Variants in BCKDK observed in about 807,000 individuals in gnomAD.
The protein encoded by BCKDK is branched-chain alpha-ketoacid dehydrogenase kinase.
A neutral mutation model predicts 43.9 loss-of-function variants in BCKDK; 28 were observed. The observed-to-expected ratio is 0.64, with a 90% CI of 0.47 to 0.87. The LOEUF (loss-of-function observed/expected upper bound fraction) is 0.87. BCKDK is among the 40% of genes least tolerant of loss of function. The probability of loss-of-function intolerance (pLI) is 0.00; values close to 1 mark genes in which losing one functional copy is unlikely to be tolerated. For missense variants in BCKDK, 483 were observed against 581.4 expected (o/e 0.83, Z 1.74); for synonymous variants, 257 against 234.3 (o/e 1.10, Z -0.88).
downstream of BCKDK, among the ~76,000 whole-genome samples, chr16:31,114,739 T>TA (rs1170438776): frequency 1.3e-5 from 2 of 152,204 alleles, no homozygotes; most frequent in Non-Finnish European, 2.9e-5. Flanking sequence ...GATTGATAGT[T>TA]ATACATGCTT....
rs753814671 is a variant in BCKDK at position 31,109,818 on chromosome 16, C to T, written c.375+35C>T. 1.9e-6 allele frequency: 3 copies of T among 1,601,398 alleles called. No individual in the cohort carries two copies. The highest frequency in any genetic ancestry group is 2.2e-5 in the South Asian group (2 of 90,752). ...AGAGGACCTTAGGTCAGCGGGCCAC[C>T]CTGCCCCGGGGGCAAGTGGGGAGTC... On this transcript the variant is annotated intron_variant, in intron 4 of 11. Coordinates refer to ENST00000219794, the MANE Select transcript of BCKDK (RefSeq NM_005881.4). The surrounding 1 kb of genome is among the most constrained non-coding windows in gnomAD (Gnocchi z 5.3).
chr16:31,114,539 G>C (rs1319085195), downstream of BCKDK, among the ~76,000 whole-genome samples: 1 of 152,002 alleles, frequency 6.6e-6, no homozygotes, highest in African/African-American at 2.4e-5. Context: ...ACCTCTGAGA[G>C]ACCCATCCGC....
In BCKDK at chr16:31,109,812, G is replaced by C. The variant is rs371628815; in HGVS notation, c.375+29G>C. The C allele has an allele frequency of 3.1e-6, 5 of 1,606,756 alleles. No homozygotes were observed. Among genetic ancestry groups the C allele is most frequent in the Non-Finnish European group, 3.4e-6 (4 of 1,174,024 alleles). On this transcript the variant is annotated intron_variant, in intron 4 of 11. Coordinates refer to ENST00000219794, the MANE Select transcript of BCKDK (RefSeq NM_005881.4). The surrounding 1 kb of genome is among the most constrained non-coding windows in gnomAD (Gnocchi z 5.3). ...AGGTAGAGAGGACCTTAGGTCAGCG[G>C]GCCACCCTGCCCCGGGGGCAAGTGG...
chr16:31,116,529 A>T (rs2057446916), downstream of BCKDK, among the ~76,000 whole-genome samples: 1 of 151,548 alleles, frequency 6.6e-6, no homozygotes, highest in Non-Finnish European at 1.5e-5. Context: ...TTATCCTGTG[A>T]GGGTGAATTA....
rs769615565 is a variant in BCKDK, at chr16:31,109,453, T to C, written c.195+35T>C. Reference sequence around the variant, plus strand: ...GGGGCAGCCAGCCCAGGGTCCGGGATGTAGGCGGGAGGGAGAGTGTTGGGG... The same window carrying C: ...GGGGCAGCCAGCCCAGGGTCCGGGACGTAGGCGGGAGGGAGAGTGTTGGGG... On this transcript the variant is annotated intron_variant, in intron 2 of 11. Coordinates refer to ENST00000219794, the MANE Select transcript of BCKDK (RefSeq NM_005881.4). This position sits in a 1 kb window ranked among gnomAD's most constrained non-coding sequence, Gnocchi z 5.3. The C allele has an allele frequency of 1.9e-6, 3 of 1,613,496 alleles. No homozygotes were observed. The highest frequency in any genetic ancestry group is 1.6e-4 in the Middle Eastern group (1 of 6,062).
Position 31,110,381 on chromosome 16 carries a change from T to G in BCKDK, c.544-20T>G. ...TGGGGGTGGGAAGGGCACGGGATTC[T>G]GAGACCTCACTCTTTACAGGATGAA... On this transcript the variant is annotated intron_variant, in intron 6 of 11. Coordinates refer to ENST00000219794, the MANE Select transcript of BCKDK (RefSeq NM_005881.4). The surrounding 1 kb of genome is among the most constrained non-coding windows in gnomAD (Gnocchi z 5.4). 1 of 1,614,064 alleles carries G rather than the reference T, an allele frequency of 6.2e-7. No homozygotes were observed.
At chr16:31,114,988 G>C (rs773989417), downstream of BCKDK, among the ~76,000 whole-genome samples, 12 of 151,832 alleles carry the variant, frequency 7.9e-5, no homozygotes, top group African/African-American at 1.9e-4. Flanking sequence ...GCAGTGGCGC[G>C]ATCTCGGCTC....
In BCKDK at chr16:31,109,188, G is replaced by T; in HGVS notation, c.-36G>T. ...GGTCCTCAGTCCTAGCGGATCCTCA[G>T]TCCTAGCGGCCACCGGGTCTGAAAG... On this transcript the variant is annotated 5_prime_UTR_variant, in exon 2 of 12. Transcript: ENST00000219794. The surrounding 1 kb of genome is among the most constrained non-coding windows in gnomAD (Gnocchi z 5.3). The T allele has an allele frequency of 6.8e-7, 1 of 1,477,408 alleles. No individual in the cohort carries two copies. Among genetic ancestry groups the T allele is most frequent in the Admixed American group, 2.5e-5 (1 of 40,278 alleles). 91.5% of individuals were successfully genotyped at this position (1,477,408 alleles called of 1,614,324 possible). A position where few individuals can be genotyped will look rare whatever the true frequency, so the allele number is the denominator to read the frequency against.
chr16:31,112,583 G>A lies in BCKDK; in HGVS notation c.*318G>A, dbSNP rs964140480. On this transcript the variant is annotated 3_prime_UTR_variant, in exon 12 of 12. Coordinates refer to ENST00000219794, the MANE Select transcript of BCKDK (RefSeq NM_005881.4). The surrounding 1 kb of genome is among the most constrained non-coding windows in gnomAD (Gnocchi z 5.0). ...TTGAATGCCCTCTCGGGCCCCGTGT[G>A]TGGGGAGGGCAGGTGAACTTTTGTT... 6.1e-5 allele frequency: 28 copies of A among 462,762 alleles called. No individual in the cohort carries two copies. Among genetic ancestry groups the A allele is most frequent in the Non-Finnish European group, 9.6e-5 (24 of 249,226 alleles). The allele number at this position is 462,762 out of a possible 1,614,324, so 28.7% of individuals were successfully genotyped here. A position where few individuals can be genotyped will look rare whatever the true frequency, so the allele number is the denominator to read the frequency against.
chr16:31,113,984 CAG>C (rs145002639), downstream of BCKDK, among the ~76,000 whole-genome samples: 271 of 152,284 alleles, frequency 1.8e-3, no homozygotes, highest in African/African-American at 6.2e-3. Context: ...AGCTAAACCT[CAG>C]AGTTACTGAT....
downstream of BCKDK, chr16:31,117,410 G>A (rs1258235721): frequency 1.9e-5 from 5 of 264,426 alleles, no homozygotes; most frequent in African/African-American, 3.3e-5. Context: ...ATTAAAAAAA[G>A]GTTGAGTTGA....
At position 31,112,648 on chromosome 16, in the gene BCKDK, T is replaced by A; in HGVS notation, c.*383T>A. Reference sequence around the variant, plus strand: ...GGTTCACTGAGCCCTTGGGTTGAACTGGTTCGTGTCCCAGTCTCTTACCTG... The same window carrying A: ...GGTTCACTGAGCCCTTGGGTTGAACAGGTTCGTGTCCCAGTCTCTTACCTG... On this transcript the variant is annotated 3_prime_UTR_variant, in exon 12 of 12. Coordinates refer to ENST00000219794, the MANE Select transcript of BCKDK (RefSeq NM_005881.4). The surrounding 1 kb of genome is among the most constrained non-coding windows in gnomAD (Gnocchi z 5.0). 1.3e-5 allele frequency: 5 copies of A among 374,060 alleles called. No individual in the cohort carries two copies. The highest frequency in any genetic ancestry group is 1.1e-4 in the South Asian group (5 of 46,320). The allele number at this position is 374,060 out of a possible 1,614,324, so 23.2% of individuals were successfully genotyped here.
Position 31,109,565 on chromosome 16 carries a change from G to A in BCKDK, c.250G>A (p.Gly84Ser), listed in dbSNP as rs1280171726. ...GCTCTACGCTGGCCGCTCTCAGGACGGCAGCCACCTTCTGGTAAGATTCAC... is the reference window on the plus strand; with the variant it reads ...GCTCTACGCTGGCCGCTCTCAGGACAGCAGCCACCTTCTGGTAAGATTCAC... ...MMLYAGRSQDGSHLLKSARYL... is the reference protein window; with the variant it reads ...MMLYAGRSQDSSHLLKSARYL... The change falls in exon 3 of 12, where the codon GGC becomes AGC. Residue 84 changes from glycine (G) to serine (S), a missense_variant. Transcript: ENST00000219794. This position sits in a 1 kb window ranked among gnomAD's most constrained non-coding sequence, Gnocchi z 5.3. 1 of 1,614,086 alleles carries A rather than the reference G, an allele frequency of 6.2e-7. No homozygotes were observed. Among genetic ancestry groups the A allele is most frequent in the Non-Finnish European group, 8.5e-7 (1 of 1,180,020 alleles).
chr16:31,111,228 G>A lies in BCKDK; in HGVS notation c.845+9G>A, dbSNP rs1323403173. ...CTCAAGAATGCCATGAGGTGGGGTG[G>A]CTTGATGTGCTGGCTTGGGGGCGGA... On this transcript the variant is annotated intron_variant, in intron 9 of 11. Coordinates refer to ENST00000219794, the MANE Select transcript of BCKDK (RefSeq NM_005881.4). The A allele has an allele frequency of 6.2e-7, 1 of 1,614,074 alleles. No individual in the cohort carries two copies. The highest frequency in any genetic ancestry group is 8.5e-7 in the Non-Finnish European group (1 of 1,180,022).
At chr16:31,111,713 G>T (rs938402881) in intron 10 of BCKDK, among the ~76,000 whole-genome samples, 156 bp from the exon 11 acceptor site, 2 of 152,166 alleles carry the variant, frequency 1.3e-5, no homozygotes, top group Admixed American at 6.5e-5. Context: ...CCTGGCAGGG[G>T]TGAGGATGAT....
At chr16:31,114,618 G>A (rs2057436481), downstream of BCKDK, among the ~76,000 whole-genome samples, 1 of 152,162 alleles carries the variant, frequency 6.6e-6, no homozygotes, top group Non-Finnish European at 1.5e-5. Context: ...AATCAAACAA[G>A]ATTCAGAGAA....
downstream of BCKDK, among the ~76,000 whole-genome samples, chr16:31,114,265 C>A (rs2057433541): frequency 6.6e-6 from 1 of 151,134 alleles, no homozygotes; most frequent in Non-Finnish European, 1.5e-5. Context: ...GTGGCTGGAT[C>A]TTCGCTCACT....
chr16:31,116,472 C>CA (rs1414336356), downstream of BCKDK, among the ~76,000 whole-genome samples: 1 of 150,986 alleles, frequency 6.6e-6, no homozygotes, highest in Non-Finnish European at 1.5e-5. Flanking sequence ...GCTGAGATTA[C>CA]AGGCGTGAGC....
In BCKDK at chr16:31,110,000, C is replaced by T. The variant is rs2057397133; in HGVS notation, c.376-77C>T. The T allele has an allele frequency of 6.3e-7, 1 of 1,595,488 alleles. No homozygotes were observed. Among genetic ancestry groups the T allele is most frequent in the Non-Finnish European group, 8.6e-7 (1 of 1,163,846 alleles). ...TGGTCGACCAGCTGGGTGGTGATCC[C>T]CATGGGTAGGTGGGGGTGGCTGTTC... On this transcript the variant is annotated intron_variant, in intron 4 of 11. Transcript: ENST00000219794. This position sits in a 1 kb window ranked among gnomAD's most constrained non-coding sequence, Gnocchi z 5.3.
Sources: allele counts gnomAD v4.1 joint callset (sites outside exome capture counted in the v4.1 genomes callset), GRCh38; gene constraint gnomAD v4.1.1; non-coding constraint Gnocchi (gnomAD v3.1); transcripts MANE v1.5; gene names NCBI Gene and HGNC (gene_info 2026-07-23, HGNC 2026-07-21).